Variants in CNNM4 observed in about 807,000 individuals in gnomAD.
CNNM4 encodes metal transporter CNNM4.
CNNM4 carries 32 observed loss-of-function variants against 53.7 expected under a neutral mutation model. The ratio of observed to expected loss-of-function variants is 0.60; its 90% CI spans 0.45 to 0.80. The LOEUF (loss-of-function observed/expected upper bound fraction) is 0.80. Ranked by LOEUF, CNNM4 falls within the 30% of genes least tolerant of loss-of-function variation. CNNM4 has a pLI of 0.00. For synonymous variants in CNNM4, 410 were observed against 440.0 expected, an observed-to-expected ratio of 0.93 and a Z score of 0.85; for missense variants, 784 against 1,022.0, an observed-to-expected ratio of 0.77 and a Z score of 3.17.
chr2:96,762,288 T>A lies in CNNM4; in HGVS notation c.1289T>A (p.Val430Glu). ...CTCTACGTCAAAGACTTGGCCTTTGTGGACCCCGATGACTGCACCCCCCTC... is the reference window on the plus strand; with the variant it reads ...CTCTACGTCAAAGACTTGGCCTTTGAGGACCCCGATGACTGCACCCCCCTC... ...DILYVKDLAF[V>E]DPDDCTPLKT... Residue 430 changes from valine to glutamate, a missense_variant, in exon 1 of 7, where the codon GTG becomes GAG. Around this residue, in one of 3 missense-constraint regions of CNNM4, gnomAD observed 473 missense variants for 624.6 expected, o/e 0.76. Transcript: ENST00000377075. The A allele has an allele frequency of 1.2e-6, 2 of 1,614,198 alleles. No individual in the cohort carries two copies. Among genetic ancestry groups the A allele is most frequent in the Non-Finnish European group, 1.7e-6 (2 of 1,180,040 alleles).
At chr2:96,768,550 G>A (rs2078838903) in intron 1 of CNNM4, among the ~76,000 whole-genome samples, 1 of 151,838 alleles carries the variant, frequency 6.6e-6, no homozygotes, top group Non-Finnish European at 1.5e-5. Flanking sequence ...TCAGGGCCCG[G>A]AAGTAGTTGT....
chr2:96,766,694 G>A lies in CNNM4; in HGVS notation c.1402+4293G>A, dbSNP rs72809841. ...CTGGCATATAAGTTTCAAAGGGCAG[G>A]TCTCTTTGTTTTGCTCATCAATGTA... is the stretch of plus-strand genomic sequence containing the variant. On this transcript the variant is annotated intron_variant, in intron 1 of 6. Transcript: ENST00000377075. 8.9e-3 allele frequency among the ~76,000 whole-genome samples: 1,350 copies of A among 152,262 alleles called. 15 individuals are homozygous for A. Among genetic ancestry groups the A allele is most frequent in the Non-Finnish European group, 0.012 (827 of 68,020 alleles).
At chr2:96,788,768 T>A (rs2079036163) in intron 1 of CNNM4, 1 of 152,242 alleles carries the variant, frequency 6.6e-6, no homozygotes, top group Non-Finnish European at 1.5e-5. Flanking sequence ...CCCTGGGATC[T>A]CAGAGGCTGG....
rs930246199 is a variant in CNNM4 at position 96,797,730 on chromosome 2, T to C, written c.1681+83T>C. ...TGGGTTTCCGGCTGCTTTCCCCCCA[T>C]AGGACGAGGGCTGCAGCAGGTGAGG... On this transcript the variant is annotated intron_variant, in intron 3 of 6. Transcript: ENST00000377075. This position sits in a 1 kb window ranked among gnomAD's most constrained non-coding sequence, Gnocchi z 6.0. 8 of 1,574,354 alleles carry C rather than the reference T, an allele frequency of 5.1e-6. No homozygotes were observed. The highest frequency in any genetic ancestry group is 4.5e-5 in the East Asian group (2 of 44,074).
intron 1 of CNNM4, 26 bp from the exon 2 acceptor site, chr2:96,796,981 CTCTTG>C: frequency 6.2e-7 from 1 of 1,610,944 alleles, no homozygotes; most frequent in Non-Finnish European, 8.5e-7. Flanking sequence ...GGCCTCTGGG[CTCTTG>C]TCTGACTTGC....
chr2:96,809,511 C>CAG lies in CNNM4; in HGVS notation c.2323_2324insGA (p.Ile775ArgfsTer35). ...TGCACAAAGCCTCCCACGAGAATGCCATCTGACAGGAGGGCCCGGGGCCCC... is the reference window on the plus strand; with the variant it reads ...TGCACAAAGCCTCCCACGAGAATGCCAGATCTGACAGGAGGGCCCGGGGCCCC... On this transcript the variant is annotated frameshift_variant, in exon 7 of 7. Coordinates refer to ENST00000377075, the MANE Select transcript of CNNM4 (RefSeq NM_020184.4). LOFTEE classifies it high-confidence loss of function. 1 of 1,614,180 alleles carries CAG rather than the reference C, an allele frequency of 6.2e-7. No homozygotes were observed. Among genetic ancestry groups the CAG allele is most frequent in the Non-Finnish European group, 8.5e-7 (1 of 1,180,028 alleles).
intron 1 of CNNM4, among the ~76,000 whole-genome samples, chr2:96,767,568 T>C (rs2078830235): frequency 6.6e-6 from 1 of 152,116 alleles, no homozygotes; most frequent in African/African-American, 2.4e-5. Context: ...TGCCTCACCC[T>C]CTGGGACACT....
intron 1 of CNNM4, among the ~76,000 whole-genome samples, chr2:96,772,379 G>T (rs72493404): frequency 8.1e-6 from 1 of 124,118 alleles, no homozygotes; most frequent in African/African-American, 3.2e-5. Context: ...ACACACGTGC[G>T]CACACACACT....
chr2:96,777,733 C>T (rs1476315931), intron 1 of CNNM4, among the ~76,000 whole-genome samples: 1 of 151,618 alleles, frequency 6.6e-6, no homozygotes, highest in African/African-American at 2.4e-5. Flanking sequence ...AACTCCTGAC[C>T]TCAGGTGATT....
rs554908588 is a variant in CNNM4 at position 96,801,512 on chromosome 2, A to C, written c.1948+1864A>C. Among the ~76,000 whole-genome samples, 668 of 150,292 alleles carry C rather than the reference A, an allele frequency of 4.4e-3. 27 individuals are homozygous for C. Among genetic ancestry groups the C allele is most frequent in the Admixed American group, 0.038 (579 of 15,098 alleles). ...ACACAGAGACCACACACAGAGAGAG[A>C]CCACACACAGAGATAGCACACACAC... On this transcript the variant is annotated intron_variant, in intron 5 of 6. Transcript: ENST00000377075. The surrounding 1 kb of genome is among the most constrained non-coding windows in gnomAD (Gnocchi z 5.6).
In CNNM4 at chr2:96,760,947, G is replaced by T; in HGVS notation, c.-53G>T. The T allele has an allele frequency of 3.2e-6, 3 of 942,838 alleles. No individual in the cohort carries two copies. The highest frequency in any genetic ancestry group is 4.7e-5 in the South Asian group (1 of 21,304). The allele number at this position is 942,838 out of a possible 1,614,324, so 58.4% of individuals were successfully genotyped here. A position where few individuals can be genotyped will look rare whatever the true frequency, so the allele number is the denominator to read the frequency against. ...AGCGGCCGGAGCTGCGGTGCGGACC[G>T]GGGCCGCGCGGCGTGGCGCGGGGAG... On this transcript the variant is annotated 5_prime_UTR_variant, in exon 1 of 7. Transcript: ENST00000377075.
intron 1 of CNNM4, 81 bp from the exon 2 acceptor site, chr2:96,796,931 C>T (rs568636844): frequency 2.3e-5 from 34 of 1,446,882 alleles, no homozygotes; most frequent in Middle Eastern, 4.8e-4. Context: ...TATGACCCTA[C>T]GTCTAGAGTT....
chr2:96,794,122 T>C (rs1361711856), intron 1 of CNNM4, among the ~76,000 whole-genome samples: 1 of 152,140 alleles, frequency 6.6e-6, no homozygotes, highest in Admixed American at 6.6e-5. Flanking sequence ...AAGGTTCTGC[T>C]CACTGAACCT....
At chr2:96,789,992 C>A (rs2079046672) in intron 1 of CNNM4, among the ~76,000 whole-genome samples, 1 of 118,234 alleles carries the variant, frequency 8.5e-6, no homozygotes, top group Admixed American at 1.1e-4. Context: ...AGCCAACACA[C>A]CCGGGCTAGA....
chr2:96,809,567 G>A lies in CNNM4; in HGVS notation c.*50G>A, dbSNP rs748337052. The A allele has an allele frequency of 1.3e-6, 2 of 1,530,680 alleles. No individual in the cohort carries two copies. The highest frequency in any genetic ancestry group is 1.7e-5 in the Admixed American group (1 of 59,254). The allele number at this position is 1,530,680 out of a possible 1,614,324, so 94.8% of individuals were successfully genotyped here. ...CACCCTGCGGGGGCCTCCCCAGTGGGCCCACATGAAGAGAGGGAACCTGTT... is the reference window on the plus strand; with the variant it reads ...CACCCTGCGGGGGCCTCCCCAGTGGACCCACATGAAGAGAGGGAACCTGTT... On this transcript the variant is annotated 3_prime_UTR_variant, in exon 7 of 7. Coordinates refer to ENST00000377075, the MANE Select transcript of CNNM4 (RefSeq NM_020184.4).
At chr2:96,769,739 A>G (rs942553169) in intron 1 of CNNM4, among the ~76,000 whole-genome samples, 1 of 151,804 alleles carries the variant, frequency 6.6e-6, no homozygotes, top group Non-Finnish European at 1.5e-5. Context: ...AGACTGTGGG[A>G]TGGGACCTTA....
At chr2:96,806,529 A>ACT (rs1171614187) in intron 5 of CNNM4, among the ~76,000 whole-genome samples, 1 of 142,280 alleles carries the variant, frequency 7.0e-6, no homozygotes, top group Non-Finnish European at 1.5e-5. Flanking sequence ...ACACACACAC[A>ACT]CACACACGCG....
chr2:96,784,769 A>G (rs2079002315), intron 1 of CNNM4, among the ~76,000 whole-genome samples: 1 of 152,178 alleles, frequency 6.6e-6, no homozygotes, highest in South Asian at 2.1e-4. Flanking sequence ...TTGACAGTAG[A>G]TGTAGGGCAA....
Position 96,761,634 on chromosome 2 carries a change from T to G in CNNM4, c.635T>G (p.Met212Arg). The change falls in exon 1 of 7, where the codon ATG becomes AGG. Residue 212 changes from methionine (M) to arginine (R), a missense_variant. Met to Arg is a moderately conservative substitution (Grantham distance 91). This residue lies in a region of CNNM4 where 473 missense variants were observed against 624.6 expected (regional missense o/e 0.76). Coordinates refer to ENST00000377075, the MANE Select transcript of CNNM4 (RefSeq NM_020184.4). The surrounding 1 kb of genome is among the most constrained non-coding windows in gnomAD (Gnocchi z 6.0). The part of the protein sequence containing the change: ...LNLGLMALDP[M>R]ELRIVQNCGT... Reference sequence around the variant, plus strand: ...CTCGGGCTTATGGCCCTGGACCCCATGGAGCTGCGCATCGTGCAGAACTGT... The same window carrying G: ...CTCGGGCTTATGGCCCTGGACCCCAGGGAGCTGCGCATCGTGCAGAACTGT... 1.2e-6 allele frequency: 2 copies of G among 1,613,750 alleles called. No individual in the cohort carries two copies. Among genetic ancestry groups the G allele is most frequent in the Non-Finnish European group, 1.7e-6 (2 of 1,180,006 alleles).
Sources: allele counts gnomAD v4.1 joint callset (sites outside exome capture counted in the v4.1 genomes callset), GRCh38; gene constraint gnomAD v4.1.1; regional missense constraint gnomAD v4.1.1; non-coding constraint Gnocchi (gnomAD v3.1); transcripts MANE v1.5; gene names NCBI Gene and HGNC (gene_info 2026-07-23, HGNC 2026-07-21).